Variants in PLA2G4B observed in about 807,000 individuals in gnomAD.
PLA2G4B encodes the protein phospholipase A2 group IVB.
PLA2G4B carries 122 observed loss-of-function variants against 95.8 expected under a neutral mutation model. The ratio of observed to expected loss-of-function variants is 1.27; its 90% CI spans 1.10 to 1.48. PLA2G4B has a LOEUF of 1.48. Ranked by LOEUF, PLA2G4B falls within the 40% of genes most tolerant of loss-of-function variation. The pLI is 0.00. For missense variants in PLA2G4B, 1,158 were observed against 996.2 expected, an observed-to-expected ratio of 1.16 and a Z score of -2.19; for synonymous variants, 518 against 421.5, an observed-to-expected ratio of 1.23 and a Z score of -2.80.
Position 41,848,014 on chromosome 15 carries a change from C to T in PLA2G4B, c.*154C>T, listed in dbSNP as rs1425304697. On this transcript the variant is annotated 3_prime_UTR_variant, in exon 20 of 20. Coordinates refer to ENST00000458483, the MANE Select transcript of PLA2G4B (RefSeq NM_001114633.2). ...GGCTGGGAGCTCCCTTGCGCCTCAG[C>T]AGTTTGCAGTGGGGTAAGGAGGCCA... 2 of 1,050,290 alleles carry T rather than the reference C, an allele frequency of 1.9e-6. No homozygotes were observed. The highest frequency in any genetic ancestry group is 2.7e-6 in the Non-Finnish European group (2 of 744,138). 65.1% of individuals were successfully genotyped at this position (1,050,290 alleles called of 1,614,324 possible).
Position 41,847,397 on chromosome 15 carries a change from CCCAGCCCCGAAGAGCAGCT to C in PLA2G4B, c.2015_2033del (p.Pro672LeufsTer48), listed in dbSNP as rs1286610890. ...GGGGATCCCGTTCCCACCCATCTCG[CCCAGCCCCGAAGAGCAGCT>C]CCAGCCTCGGGAGTGCCACACCTTC... On this transcript the variant is annotated frameshift_variant, in exon 19 of 20. Coordinates refer to ENST00000458483, the MANE Select transcript of PLA2G4B (RefSeq NM_001114633.2). LOFTEE classifies it high-confidence loss of function. 2.5e-6 allele frequency: 4 copies of C among 1,612,674 alleles called. No individual in the cohort carries two copies. The highest frequency in any genetic ancestry group is 3.3e-5 in the Admixed American group (2 of 59,992).
chr15:41,841,586 C>T lies in PLA2G4B; in HGVS notation c.490+15C>T, dbSNP rs773104514. Reference sequence around the variant, plus strand: ...AGACCAGAAGTGTGAGTCCCCAACCCACTGGGACAGCCCCTGGCTCTCAGC... The same window carrying T: ...AGACCAGAAGTGTGAGTCCCCAACCTACTGGGACAGCCCCTGGCTCTCAGC... On this transcript the variant is annotated intron_variant, in intron 7 of 19. Transcript: ENST00000458483. 6.2e-7 allele frequency: 1 copy of T among 1,613,842 alleles called. No individual in the cohort carries two copies. Among genetic ancestry groups the T allele is most frequent in the African/African-American group, 1.3e-5 (1 of 74,856 alleles).
At chr15:41,844,803 GT>G (rs1567171469) in intron 12 of PLA2G4B, 44 bp from the exon 13 acceptor site, 1 of 1,563,744 alleles carries the variant, frequency 6.4e-7, no homozygotes, top group Admixed American at 1.9e-5. Context: ...TCTAGACGGG[GT>G]CCTTCAGTGA....
rs890007298 is a variant in PLA2G4B, at chr15:41,845,776, G to C, written c.1495+1G>C. ...GAGTCCCGCATCTGCTTCTTAGAAG[G>C]TGAGGGGCACTGGCAGGCTGGGGAA... is the stretch of plus-strand genomic sequence containing the variant. On this transcript the variant is annotated splice_donor_variant, in intron 15 of 19. Coordinates refer to ENST00000458483, the MANE Select transcript of PLA2G4B (RefSeq NM_001114633.2). LOFTEE classifies it high-confidence loss of function. 11 of 1,593,092 alleles carry C rather than the reference G, an allele frequency of 6.9e-6. No individual in the cohort carries two copies. Among genetic ancestry groups the C allele is most frequent in the Non-Finnish European group, 9.4e-6 (11 of 1,168,712 alleles).
At chr15:41,847,294 C>T in intron 18 of PLA2G4B, 43 bp from the exon 19 acceptor site, 3 of 1,553,568 alleles carry the variant, frequency 1.9e-6, no homozygotes, top group Non-Finnish European at 2.6e-6. Context: ...TTGAGGATGC[C>T]AGGGGCCCTG....
At chr15:41,844,682 A>G in intron 12 of PLA2G4B, 75 bp downstream of exon 12, 2 of 1,607,030 alleles carry the variant, frequency 1.2e-6, no homozygotes, top group Non-Finnish European at 1.7e-6. Flanking sequence ...TAGGCCTCTG[A>G]GAAAACTAGA....
In PLA2G4B at chr15:41,844,795, T is replaced by TAGACGGGGTCC. The variant is rs1172938173; in HGVS notation, c.1017-52_1017-42dup. On this transcript the variant is annotated intron_variant, in intron 12 of 19. Coordinates refer to ENST00000458483, the MANE Select transcript of PLA2G4B (RefSeq NM_001114633.2). Reference sequence around the variant, plus strand: ...TAGAAAGCCCGGGGCACGTGGGGTCTAGACGGGGTCCTTCAGTGACAGCCC... The same window carrying TAGACGGGGTCC: ...TAGAAAGCCCGGGGCACGTGGGGTCTAGACGGGGTCCAGACGGGGTCCTTCAGTGACAGCCC... The TAGACGGGGTCC allele has an allele frequency of 3.3e-5, 51 of 1,556,402 alleles. No homozygotes were observed. In the African/African-American group the frequency reaches 6.2e-4, roughly 19 times the overall value.
At chr15:41,847,609 CACA>C (rs751131435) in intron 19 of PLA2G4B, 37 bp from the exon 20 acceptor site, 15 of 1,612,812 alleles carry the variant, frequency 9.3e-6, no homozygotes, top group Admixed American at 6.7e-5. Flanking sequence ...CTGTCTTCCC[CACA>C]ACGTGTTCCC....
At chr15:41,842,909 A>G (rs574342498) in intron 10 of PLA2G4B, 11 of 359,018 alleles carry the variant, frequency 3.1e-5, no homozygotes, top group African/African-American at 2.4e-4. Context: ...GAGGGCAGGA[A>G]AACCAAGGGA....
chr15:41,842,318 G>T, intron 9 of PLA2G4B, 42 bp downstream of exon 9: 1 of 1,611,064 alleles, frequency 6.2e-7, no homozygotes, highest in Middle Eastern at 1.7e-4. Flanking sequence ...CCTGGATGGG[G>T]CTGGGACCCA....
chr15:41,844,529 A>G lies in PLA2G4B; in HGVS notation c.938A>G (p.Tyr313Cys). 6.2e-7 allele frequency: 1 copy of G among 1,614,022 alleles called. No homozygotes were observed. Among genetic ancestry groups the G allele is most frequent in the Non-Finnish European group, 8.5e-7 (1 of 1,179,988 alleles). Residue 313 changes from tyrosine (Y) to cysteine (C), a missense_variant, in exon 12 of 20, where the codon TAT (tyrosine) becomes TGT (cysteine). Physicochemically the swap from Tyr to Cys is radical, Grantham distance 194. Transcript: ENST00000458483. ...GGGATCCGGGCAATGACTTCCCTGT[A>G]TGGGCAGCTGGCTGGCCTGAAGGAG... The part of the protein sequence containing the change: ...GGGIRAMTSL[Y>C]GQLAGLKELG...
intron 14 of PLA2G4B, 63 bp from the exon 15 acceptor site, chr15:41,845,574 CG>C: frequency 6.3e-7 from 1 of 1,592,202 alleles, no homozygotes; most frequent in Non-Finnish European, 8.5e-7. Flanking sequence ...AACCCTGGGT[CG>C]GGGTGGGGGT....
At chr15:41,838,968 C>T (rs1176727594) in intron 1 of PLA2G4B, 46 bp downstream of exon 1, 2 of 1,477,468 alleles carry the variant, frequency 1.4e-6, no homozygotes, top group African/African-American at 1.4e-5. Context: ...CCCCTGGTCT[C>T]TACCTGGGGC....
At position 41,848,131 on chromosome 15, in the gene PLA2G4B, A is replaced by AGACT. The variant is rs2065616708; in HGVS notation, c.*272_*275dup. ...GTAGTTGGAGCACTTGATACATCAC[A>AGACT]GACTCATACAAATGTGAGGCGCTGA... On this transcript the variant is annotated 3_prime_UTR_variant, in exon 20 of 20. Transcript: ENST00000458483. The AGACT allele has an allele frequency of 1.8e-6, 1 of 571,144 alleles. No homozygotes were observed. Among genetic ancestry groups the AGACT allele is most frequent in the African/African-American group, 1.9e-5 (1 of 53,232 alleles). 35.4% of individuals were successfully genotyped at this position (571,144 alleles called of 1,614,324 possible).
At position 41,847,953 on chromosome 15, in the gene PLA2G4B, G is replaced by A. The variant is rs191420225; in HGVS notation, c.*93G>A. On this transcript the variant is annotated 3_prime_UTR_variant, in exon 20 of 20. Coordinates refer to ENST00000458483, the MANE Select transcript of PLA2G4B (RefSeq NM_001114633.2). ...TCATCACGCAGTGCTTCAGAGCCTC[G>A]GGCTCAGGTGGCACGGTCCCAGGGT... 5.8e-5 allele frequency: 85 copies of A among 1,473,670 alleles called. No homozygotes were observed. The African/African-American group carries it at 8.3e-4, about 14-fold the overall frequency. 91.3% of individuals were successfully genotyped at this position (1,473,670 alleles called of 1,614,324 possible). A position where few individuals can be genotyped will look rare whatever the true frequency, so the allele number is the denominator to read the frequency against.
chr15:41,842,269 C>G lies in PLA2G4B; in HGVS notation c.698C>G (p.Thr233Arg). 6.2e-7 allele frequency: 1 copy of G among 1,614,036 alleles called. No homozygotes were observed. Among genetic ancestry groups the G allele is most frequent in the Non-Finnish European group, 8.5e-7 (1 of 1,180,022 alleles). The change falls in exon 9 of 20, where the codon ACG (threonine) becomes AGG (arginine). Residue 233 changes from threonine (T) to arginine (R), a missense_variant. Coordinates refer to ENST00000458483, the MANE Select transcript of PLA2G4B (RefSeq NM_001114633.2). ...CAAGTGGTGAGGCTTGTCTTCCCCA[C>G]GTCCCAGGTACTGGCCTCCCAGGGA... Reference protein sequence around the residue: ...SGQVVRLVFPTSQEPLMRVEL... With the variant: ...SGQVVRLVFPRSQEPLMRVEL...
intron 16 of PLA2G4B, 78 bp downstream of exon 16, chr15:41,846,125 C>T: frequency 6.3e-7 from 1 of 1,582,758 alleles, no homozygotes; most frequent in Non-Finnish European, 8.6e-7. Context: ...GGGTTCACAC[C>T]TCTTCCCCCT....
In PLA2G4B at chr15:41,845,942, G is replaced by A. The variant is rs185201577; in HGVS notation, c.1496-1G>A. The A allele has an allele frequency of 3.3e-6, 5 of 1,514,916 alleles. No individual in the cohort carries two copies. The highest frequency in any genetic ancestry group is 2.3e-5 in the East Asian group (1 of 43,944). The allele number at this position is 1,514,916 out of a possible 1,614,324, so 93.8% of individuals were successfully genotyped here. On this transcript the variant is annotated splice_acceptor_variant, in intron 15 of 19. Coordinates refer to ENST00000458483, the MANE Select transcript of PLA2G4B (RefSeq NM_001114633.2). LOFTEE classifies it high-confidence loss of function. ...CTCTTCCCTCACGGCCGCTCTTTCA[G>A]GTATCTGGAGCAACCTGTATGCAGC...
Position 41,841,575 on chromosome 15 carries a change from A to C in PLA2G4B, c.490+4A>C. 6 of 1,613,976 alleles carry C rather than the reference A, an allele frequency of 3.7e-6. No individual in the cohort carries two copies. The highest frequency in any genetic ancestry group is 5.1e-6 in the Non-Finnish European group (6 of 1,179,948). Reference sequence around the variant, plus strand: ...GAGGAGACAGGAGACCAGAAGTGTGAGTCCCCAACCCACTGGGACAGCCCC... The same window carrying C: ...GAGGAGACAGGAGACCAGAAGTGTGCGTCCCCAACCCACTGGGACAGCCCC... On this transcript the variant is annotated splice_donor_region_variant and intron_variant, in intron 7 of 19. Coordinates refer to ENST00000458483, the MANE Select transcript of PLA2G4B (RefSeq NM_001114633.2).
Sources: gnomAD v4.1 joint callset for allele counts on GRCh38, gnomAD v4.1.1 for gene constraint, MANE v1.5 for transcripts, NCBI Gene and HGNC (gene_info 2026-07-23, HGNC 2026-07-21) for gene names.